Variants in TRHDE observed in about 807,000 individuals in gnomAD.
TRHDE encodes thyrotropin releasing hormone degrading enzyme.
Under a neutral mutation model 125.7 loss-of-function variants are expected in TRHDE, and 72 were observed. That is an observed-to-expected ratio of 0.57 (90% CI 0.47 to 0.70). The LOEUF is 0.70. Among genes scored for constraint, TRHDE ranks in the 30% least tolerant of loss-of-function variants. The pLI, the probability that TRHDE is intolerant of heterozygous loss-of-function variation, is 0.00. For missense variants in TRHDE, 1,110 were observed against 1,327.1 expected (o/e 0.84, Z 2.54); for synonymous variants, 509 against 509.1 (o/e 1.00, Z 0.00).
intron 12 of TRHDE, among the ~76,000 whole-genome samples, chr12:72,618,288 AG>A: frequency 6.6e-6 from 1 of 152,148 alleles, no homozygotes; most frequent in Non-Finnish European, 1.5e-5. Flanking sequence ...GGAAAATAAT[AG>A]AAAAAAAGAG....
At chr12:72,493,941 A>T (rs1381068897) in intron 5 of TRHDE, among the ~76,000 whole-genome samples, 1 of 151,958 alleles carries the variant, frequency 6.6e-6, no homozygotes. Flanking sequence ...CCATTTTTAC[A>T]TGTAGCAAGT....
intron 3 of TRHDE, among the ~76,000 whole-genome samples, chr12:72,438,653 G>A (rs1474406094): frequency 2.0e-5 from 3 of 151,660 alleles, no homozygotes; most frequent in Non-Finnish European, 3.0e-5. Context: ...GTTGAGTTAA[G>A]TTCTTTATAT....
chr12:72,533,723 G>GTTTTTTTTTTTTTTTT, intron 6 of TRHDE, among the ~76,000 whole-genome samples: 2 of 97,896 alleles, frequency 2.0e-5, no homozygotes, highest in Non-Finnish European at 4.6e-5. Flanking sequence ...TTTTCTATTT[G>GTTTTTTTTTTTTTTTT]TTTTTTTTTT....
At chr12:72,166,707 A>G (rs1455006041) in intron 2 of TRHDE, among the ~76,000 whole-genome samples, 3 of 152,142 alleles carry the variant, frequency 2.0e-5, no homozygotes, top group African/African-American at 7.2e-5. Context: ...GAGAAAGAAA[A>G]ATACCAAATC....
intron 2 of TRHDE, among the ~76,000 whole-genome samples, chr12:72,191,104 A>C (rs1353670255): frequency 1.3e-5 from 2 of 152,234 alleles, no homozygotes; most frequent in Non-Finnish European, 2.9e-5. Context: ...AAAAAAAGTA[A>C]GACAGTGGTT....
intron 15 of TRHDE, among the ~76,000 whole-genome samples, chr12:72,639,040 G>C (rs1406703996): frequency 6.6e-6 from 1 of 150,698 alleles, no homozygotes; most frequent in East Asian, 2.0e-4. Flanking sequence ...TCCTGAATCT[G>C]AATGTTGGCC....
chr12:72,130,299 A>T (rs181538133), intron 2 of TRHDE, among the ~76,000 whole-genome samples: 13 of 152,294 alleles, frequency 8.5e-5, no homozygotes, highest in Admixed American at 8.5e-4. Context: ...AAAAAGAAAA[A>T]CAAAAGTCTT....
intron 3 of TRHDE, among the ~76,000 whole-genome samples, chr12:72,467,290 G>A (rs1265825717): frequency 1.3e-5 from 2 of 148,964 alleles, no homozygotes; most frequent in Non-Finnish European, 3.0e-5. Flanking sequence ...GTGTCCATGT[G>A]TTCTCATTGT....
intron 3 of TRHDE, among the ~76,000 whole-genome samples, chr12:72,444,130 A>G (rs1390161611): frequency 6.6e-6 from 1 of 151,918 alleles, no homozygotes; most frequent in Non-Finnish European, 1.5e-5. Context: ...GCAAAGCTAA[A>G]AAAACAAGGT....
intron 3 of TRHDE, among the ~76,000 whole-genome samples, chr12:72,409,172 A>C (rs2135812185): frequency 6.6e-6 from 1 of 152,368 alleles, no homozygotes; most frequent in South Asian, 2.1e-4. Flanking sequence ...CTAAAGGAAT[A>C]GCAGCTAGAC....
rs373632006 is a variant in TRHDE at position 72,604,315 on chromosome 12, T to G, written c.2322-14576T>G. Among the ~76,000 whole-genome samples, 6 of 152,270 alleles carry G rather than the reference T, an allele frequency of 3.9e-5. No individual in the cohort carries two copies. The East Asian group carries it at 1.2e-3, about 29-fold the overall frequency. On this transcript the variant is annotated intron_variant, in intron 12 of 18. Coordinates refer to ENST00000261180, the MANE Select transcript of TRHDE (RefSeq NM_013381.3). ...ATAATCAAGCAGCAGGTGTTAAGTT[T>G]TTTTTTAAAGGGCATTTTAGTCCTA...
At chr12:72,318,033 A>G (rs556170807) in intron 2 of TRHDE, among the ~76,000 whole-genome samples, 2 of 152,310 alleles carry the variant, frequency 1.3e-5, no homozygotes, top group African/African-American at 4.8e-5. Flanking sequence ...TAAGAGAATT[A>G]TGACTAGAGG....
At chr12:72,521,699 A>G (rs1796895044) in intron 6 of TRHDE, among the ~76,000 whole-genome samples, 1 of 152,236 alleles carries the variant, frequency 6.6e-6, no homozygotes. Flanking sequence ...TTTTGCTTAC[A>G]TATTCCCCAA....
At chr12:72,410,315 A>G (rs984722798) in intron 3 of TRHDE, among the ~76,000 whole-genome samples, 1 of 152,116 alleles carries the variant, frequency 6.6e-6, no homozygotes, top group Non-Finnish European at 1.5e-5. Flanking sequence ...GAACTCTGTC[A>G]TATTCTACCA....
At chr12:72,633,299 T>A (rs1873576314) in intron 15 of TRHDE, among the ~76,000 whole-genome samples, 2 of 152,170 alleles carry the variant, frequency 1.3e-5, no homozygotes, top group Admixed American at 6.6e-5. Flanking sequence ...TGCATATGCC[T>A]CTTTGCAAAC....
chr12:72,178,798 T>C (rs1877040373), intron 2 of TRHDE, among the ~76,000 whole-genome samples: 1 of 152,076 alleles, frequency 6.6e-6, no homozygotes, highest in Admixed American at 6.6e-5. Flanking sequence ...CACTGTTAAA[T>C]TGACTTGAGA....
intron 15 of TRHDE, among the ~76,000 whole-genome samples, chr12:72,649,723 G>A (rs770735475): frequency 6.6e-6 from 1 of 151,962 alleles, no homozygotes; most frequent in Non-Finnish European, 1.5e-5. Context: ...ACAAAAAGGG[G>A]TAAGGATTTG....
intron 3 of TRHDE, among the ~76,000 whole-genome samples, chr12:72,384,734 A>G (rs1412291042): frequency 6.6e-6 from 1 of 152,224 alleles, no homozygotes; most frequent in South Asian, 2.1e-4. Flanking sequence ...AAGTTCACAA[A>G]TAAGACCCCA....
chr12:72,514,319 G>A (rs1456020290), intron 6 of TRHDE, among the ~76,000 whole-genome samples: 3 of 152,068 alleles, frequency 2.0e-5, no homozygotes, highest in Non-Finnish European at 4.4e-5. Flanking sequence ...GACACTGGAT[G>A]CATGACTTAG....
Sources: gnomAD v4.1 joint callset for allele counts (sites outside exome capture counted in the v4.1 genomes callset) on GRCh38, gnomAD v4.1.1 for gene constraint, MANE v1.5 for transcripts, NCBI Gene and HGNC (gene_info 2026-07-23, HGNC 2026-07-21) for gene names.